The following TLK1 variants were observed in gnomAD, a reference collection of about 807,000 sequenced individuals.
TLK1 encodes serine/threonine-protein kinase tousled-like 1.
Under a neutral mutation model 105.3 loss-of-function variants are expected in TLK1, and 24 were observed. That is an observed-to-expected ratio of 0.23 (90% CI 0.17 to 0.32). TLK1 has a LOEUF of 0.32. Ranked by LOEUF, TLK1 falls within the 10% of genes least tolerant of loss-of-function variation. The probability of loss-of-function intolerance (pLI) is 1.00; values close to 1 mark genes in which losing one functional copy is unlikely to be tolerated. For synonymous variants in TLK1, 321 were observed against 310.4 expected, an observed-to-expected ratio of 1.03 and a Z score of -0.36; for missense variants, 558 against 910.5, an observed-to-expected ratio of 0.61 and a Z score of 4.98.
Position 171,141,217 on chromosome 2 carries a change from C to G in TLK1, c.139+19073G>C, listed in dbSNP as rs575066404. Among the ~76,000 whole-genome samples, 9 of 152,170 alleles carry G rather than the reference C, an allele frequency of 5.9e-5. No homozygotes were observed. The South Asian group carries it at 1.9e-3, about 32-fold the overall frequency. ...GAAGTGATATAGTCTGAGAATTTTC[C>G]AAAACTGACGAACGAGCTCATCAGT... On this transcript the variant is annotated intron_variant, in intron 1 of 20. Coordinates refer to ENST00000431350, the MANE Select transcript of TLK1 (RefSeq NM_012290.5).
chr2:171,067,238 C>A (rs1473516437), intron 3 of TLK1, among the ~76,000 whole-genome samples: 1 of 150,598 alleles, frequency 6.6e-6, no homozygotes, highest in African/African-American at 2.4e-5. Flanking sequence ...CGGCTCACTG[C>A]AAGCTCTGTC....
intron 2 of TLK1, among the ~76,000 whole-genome samples, chr2:171,098,352 T>C (rs567535019): frequency 1.3e-5 from 2 of 152,200 alleles, no homozygotes; most frequent in South Asian, 2.1e-4. Flanking sequence ...ACATCACATA[T>C]ACACCTCACA....
intron 2 of TLK1, among the ~76,000 whole-genome samples, chr2:171,095,948 A>G (rs1304237503): frequency 6.6e-6 from 1 of 152,176 alleles, no homozygotes; most frequent in Non-Finnish European, 1.5e-5. Flanking sequence ...TTCCTCTAAG[A>G]TCAGGAACAA....
chr2:171,165,136 G>T (rs1475900281), upstream of TLK1, among the ~76,000 whole-genome samples: 1 of 152,208 alleles, frequency 6.6e-6, no homozygotes, highest in Non-Finnish European at 1.5e-5. Flanking sequence ...TTCCATGGAG[G>T]AATATTCCCA....
At position 171,067,102 on chromosome 2, in the gene TLK1, T is replaced by C. The variant is rs376302295; in HGVS notation, c.331-5946A>G. 5.2e-5 allele frequency: 45 copies of C among 866,018 alleles called. No individual in the cohort carries two copies. The East Asian group carries it at 1.1e-3, about 21-fold the overall frequency. 53.6% of individuals were successfully genotyped at this position (866,018 alleles called of 1,614,324 possible). A position where few individuals can be genotyped will look rare whatever the true frequency, so the allele number is the denominator to read the frequency against. On this transcript the variant is annotated intron_variant, in intron 3 of 20. Coordinates refer to ENST00000431350, the MANE Select transcript of TLK1 (RefSeq NM_012290.5). The stretch of plus-strand genomic sequence containing the variant: ...CGAATCCCTAGGTCTGTACAATTAT[T>C]TCTCTGGTATACATACTTTTAAATG...
At chr2:171,156,849 G>A (rs1692258079) in intron 1 of TLK1, among the ~76,000 whole-genome samples, 1 of 151,746 alleles carries the variant, frequency 6.6e-6, no homozygotes, top group Non-Finnish European at 1.5e-5. Flanking sequence ...TCTTTTTTTT[G>A]AGAAAGTATC....
intron 1 of TLK1, among the ~76,000 whole-genome samples, chr2:171,121,155 A>T (rs1188237536): frequency 6.6e-6 from 1 of 152,222 alleles, no homozygotes; most frequent in Non-Finnish European, 1.5e-5. Flanking sequence ...TGGTGATGGT[A>T]GCACAGTATG....
intron 1 of TLK1, among the ~76,000 whole-genome samples, chr2:171,137,805 C>T (rs1302736852): frequency 2.7e-5 from 4 of 150,826 alleles, no homozygotes; most frequent in East Asian, 3.9e-4. Flanking sequence ...GCTGAGATCG[C>T]GCCACTGCAC....
At chr2:171,114,758 C>G (rs920729158) in intron 2 of TLK1, among the ~76,000 whole-genome samples, 1 of 151,962 alleles carries the variant, frequency 6.6e-6, no homozygotes, top group African/African-American at 2.4e-5. Flanking sequence ...TCACCTGACC[C>G]CAGGAGGCAG....
intron 12 of TLK1, among the ~76,000 whole-genome samples, chr2:171,020,928 T>C (rs899016663): frequency 1.3e-5 from 2 of 152,218 alleles, no homozygotes; most frequent in Admixed American, 6.5e-5. Context: ...CTATCCCCAA[T>C]TACTAAAGTG....
Position 171,150,864 on chromosome 2 carries a change from A to G in TLK1, c.139+9426T>C, listed in dbSNP as rs537452383. On this transcript the variant is annotated intron_variant, in intron 1 of 20. Coordinates refer to ENST00000431350, the MANE Select transcript of TLK1 (RefSeq NM_012290.5). Reference sequence around the variant, plus strand: ...TGTTGTTATTACGTGTAACCAAAGGATTCATGACTAACATCCTACCTAAAG... The same window carrying G: ...TGTTGTTATTACGTGTAACCAAAGGGTTCATGACTAACATCCTACCTAAAG... Among the ~76,000 whole-genome samples, 3 of 152,346 alleles carry G rather than the reference A, an allele frequency of 2.0e-5. No individual in the cohort carries two copies. The South Asian group carries it at 6.2e-4, about 32-fold the overall frequency.
At chr2:171,041,873 T>C (rs79302487) in intron 11 of TLK1, among the ~76,000 whole-genome samples, 198 of 152,334 alleles carry the variant, frequency 1.3e-3, no homozygotes, top group African/African-American at 4.4e-3. Context: ...GCCATTTTCA[T>C]TAAACAATGA....
intron 13 of TLK1, 48 bp downstream of exon 13, chr2:171,014,803 G>A: frequency 7.7e-7 from 1 of 1,306,024 alleles, no homozygotes; most frequent in Non-Finnish European, 1.1e-6. Context: ...ATGGGGGGCG[G>A]GGGTAGTTTT....
chr2:171,229,554 AC>A (rs2105335018), intron 1 of TLK1, among the ~76,000 whole-genome samples: 1 of 152,270 alleles, frequency 6.6e-6, no homozygotes, highest in East Asian at 1.9e-4. Context: ...AGAGGACAGA[AC>A]CACTTTGGTT....
rs13022708 is a variant in TLK1 at position 171,213,154 on chromosome 2, G to A, written c.-6+17991C>T. On this transcript the variant is annotated intron_variant, in intron 1 of 20. Transcript: ENST00000521943. The stretch of plus-strand genomic sequence containing the variant: ...ATGGGTGAATTCCAAGTCTGGCTCC[G>A]CTAGACTACAGGGCTCTATATCAGG... Among the ~76,000 whole-genome samples, 713 of 151,738 alleles carry A rather than the reference G, an allele frequency of 4.7e-3. 2 individuals are homozygous for A. Among genetic ancestry groups the A allele is most frequent in the Non-Finnish European group, 6.0e-3 (409 of 67,946 alleles).
At chr2:171,075,223 G>C (rs1183122982) in intron 3 of TLK1, among the ~76,000 whole-genome samples, 1 of 152,106 alleles carries the variant, frequency 6.6e-6, no homozygotes, top group Non-Finnish European at 1.5e-5. Flanking sequence ...TGAGAAAGTA[G>C]AGGTGGGTAT....
intron 1 of TLK1, among the ~76,000 whole-genome samples, chr2:171,148,082 G>C (rs1310424411): frequency 6.6e-6 from 1 of 152,008 alleles, no homozygotes; most frequent in Non-Finnish European, 1.5e-5. Context: ...ACTTGAGATG[G>C]GGTTTCACCG....
At chr2:171,110,333 GTGGCACATGCCTGTAA>G (rs1690107960) in intron 2 of TLK1, among the ~76,000 whole-genome samples, 1 of 152,204 alleles carries the variant, frequency 6.6e-6, no homozygotes, top group African/African-American at 2.4e-5. Flanking sequence ...GCTGGGCATG[GTGGCACATGCCTGTAA>G]TCCCAGCTAC....
intron 1 of TLK1, among the ~76,000 whole-genome samples, chr2:171,186,443 C>A (rs528452867): frequency 6.6e-6 from 1 of 152,272 alleles, no homozygotes; most frequent in East Asian, 1.9e-4. Flanking sequence ...GGAGTAAAAG[C>A]CCTTGTCATT....
Sources: gnomAD v4.1 joint callset for allele counts (sites outside exome capture counted in the v4.1 genomes callset) on GRCh38, gnomAD v4.1.1 for gene constraint, MANE v1.5 for transcripts, NCBI Gene and HGNC (gene_info 2026-07-23, HGNC 2026-07-21) for gene names.